PSMD14: variants seen among roughly 807,000 people sequenced by gnomAD.
The protein encoded by PSMD14 is ubiquitin C-terminal hydrolase PSMD14.
PSMD14 carries 7 observed loss-of-function variants against 41.2 expected under a neutral mutation model. That is an observed-to-expected ratio of 0.17 (90% CI 0.10 to 0.32). PSMD14 has a LOEUF of 0.32. Among genes scored for constraint, PSMD14 ranks in the 10% least tolerant of loss-of-function variants. PSMD14 has a pLI of 1.00. For synonymous variants in PSMD14, 114 were observed against 122.3 expected (o/e 0.93, Z 0.45); for missense variants, 139 against 375.6 (o/e 0.37, Z 5.21).
intron 3 of PSMD14, chr2:161,340,687 A>G: frequency 6.6e-7 from 1 of 1,515,952 alleles, no homozygotes; most frequent in Non-Finnish European, 8.8e-7. Context: ...AGAGCTCAGC[A>G]GATTTATGGA....
intron 3 of PSMD14, among the ~76,000 whole-genome samples, chr2:161,329,115 A>C (rs1051812760): frequency 6.6e-6 from 1 of 152,106 alleles, no homozygotes; most frequent in Non-Finnish European, 1.5e-5. Flanking sequence ...CTTCTGAGTG[A>C]GTTGGGAAGC....
At chr2:161,311,754 A>G (rs1689090025) in intron 1 of PSMD14, among the ~76,000 whole-genome samples, 1 of 148,822 alleles carries the variant, frequency 6.7e-6, no homozygotes. Context: ...AGCTGGGATT[A>G]CAGGTGCCTG....
chr2:161,308,749 T>G (rs186544992), intron 1 of PSMD14, 145 bp downstream of exon 1: 3 of 152,454 alleles, frequency 2.0e-5, no homozygotes, highest in Admixed American at 1.3e-4. Flanking sequence ...CCTCCTTCAT[T>G]CTCTTCGCCT....
At chr2:161,396,249 A>G (rs1377337361) in intron 10 of PSMD14, among the ~76,000 whole-genome samples, 5 of 152,248 alleles carry the variant, frequency 3.3e-5, no homozygotes, top group Non-Finnish European at 1.5e-5. Flanking sequence ...GAAAAGGCAT[A>G]GAACAGATCC....
At chr2:161,404,641 G>GAA (rs1311501598) in intron 10 of PSMD14, among the ~76,000 whole-genome samples, 2 of 152,110 alleles carry the variant, frequency 1.3e-5, no homozygotes, top group Non-Finnish European at 2.9e-5. Flanking sequence ...GTATGGCGCT[G>GAA]ATGACAATTT....
chr2:161,390,329 A>T (rs1042565041), intron 8 of PSMD14, among the ~76,000 whole-genome samples: 6 of 152,064 alleles, frequency 3.9e-5, no homozygotes, highest in African/African-American at 1.4e-4. Context: ...TCTGACTTTC[A>T]TGTTTTTCTA....
At chr2:161,322,849 T>C (rs1210438944) in intron 3 of PSMD14, among the ~76,000 whole-genome samples, 1 of 152,218 alleles carries the variant, frequency 6.6e-6, no homozygotes, top group African/African-American at 2.4e-5. Context: ...AAGGAACTTG[T>C]AAATAATCAA....
At chr2:161,404,490 T>G (rs1402591479) in intron 10 of PSMD14, among the ~76,000 whole-genome samples, 2 of 152,216 alleles carry the variant, frequency 1.3e-5, no homozygotes, top group African/African-American at 4.8e-5. Flanking sequence ...CTTCCTAATC[T>G]TCAACTGTTC....
intron 3 of PSMD14, among the ~76,000 whole-genome samples, chr2:161,345,820 CTTTA>C (rs1179219705): frequency 6.6e-6 from 1 of 152,076 alleles, no homozygotes; most frequent in Non-Finnish European, 1.5e-5. Flanking sequence ...TTGTAGATGG[CTTTA>C]TTTTTTTCCC....
At chr2:161,376,417 A>G (rs1443279834) in intron 7 of PSMD14, among the ~76,000 whole-genome samples, 4 of 151,948 alleles carry the variant, frequency 2.6e-5, no homozygotes, top group Non-Finnish European at 5.9e-5. Flanking sequence ...CATACTTAAA[A>G]GGATCAAGAA....
intron 8 of PSMD14, among the ~76,000 whole-genome samples, chr2:161,390,007 G>T (rs2105266113): frequency 6.7e-6 from 1 of 148,864 alleles, no homozygotes; most frequent in Non-Finnish European, 1.5e-5. Context: ...TGGGATTACA[G>T]GCTTGAGCCA....
At chr2:161,341,188 G>A (rs1265764777) in intron 3 of PSMD14, 4 of 957,204 alleles carry the variant, frequency 4.2e-6, no homozygotes, top group Non-Finnish European at 5.0e-6. Context: ...GCCTCGGCCG[G>A]GGGCGCGGGT....
chr2:161,318,437 A>G (rs1041073931), intron 2 of PSMD14, among the ~76,000 whole-genome samples: 2 of 152,134 alleles, frequency 1.3e-5, no homozygotes, highest in Non-Finnish European at 2.9e-5. Context: ...TTTTATTTGT[A>G]CACTCTGGAC....
At chr2:161,341,209 C>T in intron 3 of PSMD14, 1 of 967,620 alleles carries the variant, frequency 1.0e-6, no homozygotes, top group Non-Finnish European at 1.2e-6. Context: ...TCCGGGGGCG[C>T]GCGGGCAGGC....
chr2:161,410,415 C>T (rs1426290641), intron 11 of PSMD14, among the ~76,000 whole-genome samples: 1 of 151,802 alleles, frequency 6.6e-6, no homozygotes, highest in Non-Finnish European at 1.5e-5. Flanking sequence ...GGTATTTTAA[C>T]AATAATCGTA....
At chr2:161,325,050 G>A (rs1682673537) in intron 3 of PSMD14, among the ~76,000 whole-genome samples, 1 of 152,082 alleles carries the variant, frequency 6.6e-6, no homozygotes, top group African/African-American at 2.4e-5. Flanking sequence ...GAAATCACAT[G>A]ATTTCACACT....
At chr2:161,400,571 A>G (rs908416158) in intron 10 of PSMD14, among the ~76,000 whole-genome samples, 1 of 152,178 alleles carries the variant, frequency 6.6e-6, no homozygotes, top group Non-Finnish European at 1.5e-5. Flanking sequence ...TTTTATTATT[A>G]AAGACAAGGT....
intron 1 of PSMD14, among the ~76,000 whole-genome samples, chr2:161,311,136 A>G (rs974197134): frequency 6.6e-6 from 1 of 152,132 alleles, no homozygotes. Flanking sequence ...CCCCTTCTCT[A>G]CTAAAAATAC....
chr2:161,343,854 C>T (rs1425033028), intron 3 of PSMD14, among the ~76,000 whole-genome samples: 2 of 151,978 alleles, frequency 1.3e-5, no homozygotes, highest in Non-Finnish European at 2.9e-5. Context: ...GTCTTTGAGT[C>T]TCTGCTTTTA....
Sources: allele counts gnomAD v4.1 joint callset (sites outside exome capture counted in the v4.1 genomes callset), GRCh38; gene constraint gnomAD v4.1.1; transcripts MANE v1.5; gene names NCBI Gene and HGNC (gene_info 2026-07-23, HGNC 2026-07-21).